ADGRF5: variants seen among roughly 807,000 people sequenced by gnomAD.
The protein encoded by ADGRF5 is adhesion G protein-coupled receptor F5.
Under a neutral mutation model 132.3 loss-of-function variants are expected in ADGRF5, and 75 were observed. The observed-to-expected ratio is 0.57, with a 90% CI of 0.47 to 0.69. ADGRF5 has a LOEUF of 0.69. Among genes scored for constraint, ADGRF5 ranks in the 30% least tolerant of loss-of-function variants. The pLI, the probability that ADGRF5 is intolerant of heterozygous loss-of-function variation, is 0.00. For synonymous variants in ADGRF5, 629 were observed against 597.6 expected (o/e 1.05, Z -0.77); for missense variants, 1,516 against 1,630.6 (o/e 0.93, Z 1.21).
In ADGRF5 at chr6:46,860,885, T is replaced by C; in HGVS notation, c.2209A>G (p.Lys737Glu). The change falls in exon 16 of 21, where the codon AAG (lysine) becomes GAG (glutamate). Residue 737 changes from lysine (K) to glutamate (E), a missense_variant. Lys to Glu is a moderately conservative substitution (Grantham distance 56). Around this residue, in one of 2 missense-constraint regions of ADGRF5, gnomAD observed 945 missense variants for 929.4 expected, o/e 1.02. Coordinates refer to ENST00000283296, the MANE Select transcript of ADGRF5 (RefSeq NM_001098518.2). ...SLLQMAKALI[K>E]SPSQDEMLPT... ...AGCATCTCATCCTGAGAGGGGCTCT[T>C]GATCAAAGCCTAGTAAAACAAAAGC... 6.2e-7 allele frequency: 1 copy of C among 1,600,520 alleles called. No homozygotes were observed. Among genetic ancestry groups the C allele is most frequent in the Non-Finnish European group, 8.5e-7 (1 of 1,172,204 alleles).
At chr6:46,887,285 A>G (rs1367893731) in intron 4 of ADGRF5, among the ~76,000 whole-genome samples, 1 of 152,222 alleles carries the variant, frequency 6.6e-6, no homozygotes, top group Non-Finnish European at 1.5e-5. Context: ...AATTTATTCT[A>G]AAGGCAAAAG....
rs368134466 is a variant in ADGRF5, at chr6:46,871,939, C to A, written c.1315G>T (p.Gly439Trp). 6.2e-6 allele frequency: 10 copies of A among 1,612,052 alleles called. No homozygotes were observed. Among genetic ancestry groups the A allele is most frequent in the Non-Finnish European group, 5.1e-6 (6 of 1,178,732 alleles). ...TAGATGACTGTTGTTCCAGACGACC[C>A]GCTTGGGCACTGGGTTCCATCAGCC... ...LKADGTQCPS[G>W]SSGTTVIYTC... Residue 439 changes from glycine to tryptophan, a missense_variant, in exon 11 of 21, where the codon GGG becomes TGG. This residue lies in a region of ADGRF5 where 945 missense variants were observed against 929.4 expected (regional missense o/e 1.02). Coordinates refer to ENST00000283296, the MANE Select transcript of ADGRF5 (RefSeq NM_001098518.2).
At chr6:46,949,163 G>T (rs547339405) in intron 1 of ADGRF5, among the ~76,000 whole-genome samples, 1 of 151,938 alleles carries the variant, frequency 6.6e-6, no homozygotes, top group Non-Finnish European at 1.5e-5. Context: ...GCTTTGTTTC[G>T]GTCTGAAAAC....
At chr6:46,855,728 A>G (rs1768956770) in intron 20 of ADGRF5, among the ~76,000 whole-genome samples, 1 of 152,214 alleles carries the variant, frequency 6.6e-6, no homozygotes, top group Non-Finnish European at 1.5e-5. Flanking sequence ...TCTCCAAATC[A>G]TTGTCTAGAT....
intron 2 of ADGRF5, among the ~76,000 whole-genome samples, chr6:46,902,658 T>C (rs1221475560): frequency 6.6e-6 from 1 of 152,170 alleles, no homozygotes; most frequent in East Asian, 1.9e-4. Context: ...ATCTTTATGG[T>C]GATCATCTGG....
chr6:46,943,329 TA>T (rs1173133086), intron 1 of ADGRF5, among the ~76,000 whole-genome samples: 4 of 152,246 alleles, frequency 2.6e-5, no homozygotes. Context: ...TTTTATTTTT[TA>T]AATCTTATAC....
chr6:46,872,130 C>G, intron 10 of ADGRF5, 117 bp from the exon 11 acceptor site: 2 of 704,928 alleles, frequency 2.8e-6, no homozygotes, highest in South Asian at 5.1e-5. Flanking sequence ...GATTTCTTCT[C>G]TGAATGGAGA....
intron 20 of ADGRF5, among the ~76,000 whole-genome samples, chr6:46,855,122 C>T (rs1768891752): frequency 1.3e-5 from 2 of 152,160 alleles, no homozygotes; most frequent in South Asian, 2.1e-4. Flanking sequence ...TAGCTGAGGT[C>T]TGTTGCCCAA....
intron 1 of ADGRF5, among the ~76,000 whole-genome samples, chr6:46,948,534 GC>G (rs1378433086): frequency 2.0e-5 from 3 of 150,460 alleles, no homozygotes; most frequent in East Asian, 3.9e-4. Context: ...GTTTATTGGG[GC>G]TGTGTGTACA....
At chr6:46,947,031 G>T (rs192904999) in intron 1 of ADGRF5, among the ~76,000 whole-genome samples, 1 of 152,184 alleles carries the variant, frequency 6.6e-6, no homozygotes, top group Admixed American at 6.5e-5. Flanking sequence ...CGTTGAGTTT[G>T]TGTGTTTGTA....
At chr6:46,921,531 A>C (rs937800405) in intron 1 of ADGRF5, among the ~76,000 whole-genome samples, 182 bp downstream of exon 1, 1 of 152,208 alleles carries the variant, frequency 6.6e-6, no homozygotes, top group African/African-American at 2.4e-5. Flanking sequence ...AACAGTATGC[A>C]CAATGCTCTT....
intron 1 of ADGRF5, among the ~76,000 whole-genome samples, chr6:46,934,760 T>C (rs1777734472): frequency 6.6e-6 from 1 of 152,208 alleles, no homozygotes; most frequent in African/African-American, 2.4e-5. Context: ...CAAACATATG[T>C]AGCTGAGTTC....
chr6:46,897,367 G>C (rs1282507669), intron 3 of ADGRF5, among the ~76,000 whole-genome samples: 2 of 151,782 alleles, frequency 1.3e-5, no homozygotes, highest in Non-Finnish European at 2.9e-5. Flanking sequence ...TTTTCTCCTA[G>C]AACCTTTGTA....
At chr6:46,933,917 T>C (rs1221537141) in intron 1 of ADGRF5, among the ~76,000 whole-genome samples, 1 of 152,218 alleles carries the variant, frequency 6.6e-6, no homozygotes. Context: ...CCATCGCCCT[T>C]GGTTTTGCCT....
intron 1 of ADGRF5, among the ~76,000 whole-genome samples, chr6:46,914,594 T>C (rs1379358451): frequency 2.0e-5 from 3 of 152,164 alleles, no homozygotes; most frequent in Non-Finnish European, 4.4e-5. Flanking sequence ...ACACTGCACA[T>C]GTGGGCGGCG....
intron 6 of ADGRF5, 57 bp from the exon 7 acceptor site, chr6:46,882,164 A>G: frequency 8.8e-7 from 1 of 1,136,854 alleles, no homozygotes. Flanking sequence ...AGGTGTATCA[A>G]AAGATCTGAA....
chr6:46,912,845 C>T (rs553274835), intron 1 of ADGRF5, among the ~76,000 whole-genome samples: 24 of 152,176 alleles, frequency 1.6e-4, no homozygotes, highest in Admixed American at 3.9e-4. Context: ...CCAGACCCTT[C>T]GCTGATTAAA....
In ADGRF5 at chr6:46,875,780, A is replaced by C. The variant is rs966295212; in HGVS notation, c.1240+2422T>G. On this transcript the variant is annotated intron_variant, in intron 10 of 20. Coordinates refer to ENST00000283296, the MANE Select transcript of ADGRF5 (RefSeq NM_001098518.2). ...TGACAAAAGCAAGACTCTATCTCAA[A>C]AAACAAACAAACAAACAAAAAACAA... Among the ~76,000 whole-genome samples the C allele has an allele frequency of 2.0e-5, 3 of 152,194 alleles. No individual in the cohort carries two copies. The South Asian group carries it at 6.2e-4, about 31-fold the overall frequency.
chr6:46,862,141 C>G (rs1324755517), intron 15 of ADGRF5, among the ~76,000 whole-genome samples: 1 of 152,078 alleles, frequency 6.6e-6, no homozygotes, highest in Non-Finnish European at 1.5e-5. Flanking sequence ...AGATGAAACA[C>G]ATATAAGTAT....
Sources: allele counts gnomAD v4.1 joint callset (sites outside exome capture counted in the v4.1 genomes callset), GRCh38; gene constraint gnomAD v4.1.1; regional missense constraint gnomAD v4.1.1; transcripts MANE v1.5; gene names NCBI Gene and HGNC (gene_info 2026-07-23, HGNC 2026-07-21).